The following KLK6 variants were observed in gnomAD, a reference collection of about 807,000 sequenced individuals.
The protein encoded by KLK6 is kallikrein-6.
KLK6 carries 16 observed loss-of-function variants against 21.7 expected under a neutral mutation model. The ratio of observed to expected loss-of-function variants is 0.74; its 90% CI spans 0.50 to 1.12. KLK6 has a LOEUF of 1.12. Ranked by LOEUF, KLK6 falls within the 50% of genes most tolerant of loss-of-function variation. The probability of loss-of-function intolerance (pLI) is 0.00; values close to 1 mark genes in which losing one functional copy is unlikely to be tolerated. For missense variants in KLK6, 276 were observed against 304.6 expected, an observed-to-expected ratio of 0.91 and a Z score of 0.70; for synonymous variants, 116 against 120.1, an observed-to-expected ratio of 0.97 and a Z score of 0.22.
At chr19:50,961,708 C>T in intron 6 of KLK6, 36 bp downstream of exon 6, 1 of 1,605,570 alleles carries the variant, frequency 6.2e-7, no homozygotes, top group East Asian at 2.2e-5. Context: ...TCGTCCTGTC[C>T]CTGGCTGTGT....
At chr19:50,962,220 G>A (rs1600091422) in intron 5 of KLK6, 1 of 244,074 alleles carries the variant, frequency 4.1e-6, no homozygotes, top group Non-Finnish European at 7.9e-6. Flanking sequence ...AGTTTCAGTT[G>A]ACCTGGAGGA....
chr19:50,967,551 A>ACAC (rs1555781646), intron 3 of KLK6, among the ~76,000 whole-genome samples: 12 of 143,354 alleles, frequency 8.4e-5, no homozygotes, highest in South Asian at 4.5e-4. Context: ...ACACACACAC[A>ACAC]AATTAGCAGG....
intron 6 of KLK6, among the ~76,000 whole-genome samples, chr19:50,959,980 AG>A (rs2090803408): frequency 1.1e-5 from 1 of 92,960 alleles, no homozygotes; most frequent in Non-Finnish European, 2.2e-5. Context: ...GAGGAAGAGG[AG>A]AACGAGGAGG....
rs759017760 is a variant in KLK6 at position 50,968,106 on chromosome 19, G to T, written c.-2C>A. The T allele has an allele frequency of 1.2e-5, 20 of 1,613,768 alleles. No individual in the cohort carries two copies. The South Asian group carries it at 2.1e-4, about 17-fold the overall frequency. On this transcript the variant is annotated 5_prime_UTR_variant, in exon 3 of 7. Coordinates refer to ENST00000310157, the MANE Select transcript of KLK6 (RefSeq NM_002774.4). ...CAGCACCACCATCAGCTTCTTCATG[G>T]CCGCTCCTGAGAGGGGAAGCCACAT...
intron 6 of KLK6, among the ~76,000 whole-genome samples, chr19:50,960,911 G>A (rs540162562): frequency 2.0e-5 from 3 of 152,150 alleles, no homozygotes; most frequent in Admixed American, 6.5e-5. Flanking sequence ...GACTACAGGC[G>A]CCTGCCACCA....
intron 6 of KLK6, 92 bp from the exon 7 acceptor site, chr19:50,959,408 T>A (rs925387598): frequency 8.7e-5 from 77 of 885,004 alleles, no homozygotes; most frequent in African/African-American, 5.3e-4. Context: ...TGTGTGTGTG[T>A]GACAGAGAGA....
intron 5 of KLK6, chr19:50,962,398 T>C (rs2090857981): frequency 6.5e-6 from 1 of 153,694 alleles, no homozygotes; most frequent in Non-Finnish European, 1.4e-5. Context: ...CTATTGGTTC[T>C]TCATCCAATG....
At chr19:50,966,950 GT>G (rs60756490) in intron 4 of KLK6, among the ~76,000 whole-genome samples, 27 of 151,384 alleles carry the variant, frequency 1.8e-4, no homozygotes, top group Admixed American at 2.0e-4. Context: ...AATTTTGCTT[GT>G]TTTTTTTTGT....
intron 3 of KLK6, 151 bp downstream of exon 3, chr19:50,967,914 C>A (rs1307203302): frequency 1.5e-6 from 1 of 673,070 alleles, no homozygotes; most frequent in East Asian, 2.7e-5. Flanking sequence ...TCTGTATTCC[C>A]CACCCTTAGC....
intron 3 of KLK6, among the ~76,000 whole-genome samples, chr19:50,967,755 AT>A (rs2090950303): frequency 6.6e-6 from 1 of 151,048 alleles, no homozygotes; most frequent in Non-Finnish European, 1.5e-5. Flanking sequence ...CCCCATTCCC[AT>A]TACAAACCCA....
chr19:50,963,172 C>T, intron 5 of KLK6, 130 bp downstream of exon 5: 1 of 1,318,262 alleles, frequency 7.6e-7, no homozygotes, highest in Non-Finnish European at 1.0e-6. Flanking sequence ...CCCATTGAAA[C>T]CCTGTCCCAT....
intron 6 of KLK6, among the ~76,000 whole-genome samples, chr19:50,960,028 AGGGGG>A (rs1568535915): frequency 1.1e-4 from 8 of 76,104 alleles, no homozygotes; most frequent in East Asian, 6.0e-4. Flanking sequence ...GAGGAGGAGG[AGGGGG>A]AAGACGAGGA....
intron 5 of KLK6, among the ~76,000 whole-genome samples, chr19:50,962,957 G>A (rs1313182398): frequency 6.6e-6 from 1 of 151,934 alleles, no homozygotes; most frequent in Non-Finnish European, 1.5e-5. Flanking sequence ...ATTCCTTCCT[G>A]CTGTTCAATG....
intron 1 of KLK6, among the ~76,000 whole-genome samples, 195 bp downstream of exon 1, chr19:50,969,294 CG>C (rs1568543169): frequency 6.6e-6 from 1 of 152,052 alleles, no homozygotes; most frequent in African/African-American, 2.4e-5. Flanking sequence ...CTTAGACCTC[CG>C]GGTTTTGGAG....
In KLK6 at chr19:50,968,109, G is replaced by A. The variant is rs373836542; in HGVS notation, c.-5C>T. ...CACCACCATCAGCTTCTTCATGGCCGCTCCTGAGAGGGGAAGCCACATGGT... is the reference window on the plus strand; with the variant it reads ...CACCACCATCAGCTTCTTCATGGCCACTCCTGAGAGGGGAAGCCACATGGT... On this transcript the variant is annotated 5_prime_UTR_variant, in exon 3 of 7. Transcript: ENST00000310157. 2.0e-5 allele frequency: 33 copies of A among 1,613,652 alleles called. No individual in the cohort carries two copies. Among genetic ancestry groups the A allele is most frequent in the African/African-American group, 1.9e-4 (14 of 74,826 alleles).
chr19:50,959,258 C>T lies in KLK6; in HGVS notation c.641G>A (p.Gly214Asp), dbSNP rs775023354. 4.3e-6 allele frequency: 7 copies of T among 1,613,910 alleles called. No individual in the cohort carries two copies. The Middle Eastern group carries it at 5.0e-4, about 114-fold the overall frequency. ...CTCCTTTGATCCACAGGGGATGTTA[C>T]CCCATGACACAAGGCCTCGGAGGTG... ...GDHLRGLVSW[G>D]NIPCGSKEKP... is the part of the protein sequence containing the mutation. Residue 214 changes from glycine (G) to aspartate (D), a missense_variant, in exon 7 of 7, where the codon GGT becomes GAT. Physicochemically the swap from Gly to Asp is moderately conservative, Grantham distance 94. Transcript: ENST00000310157.
intron 4 of KLK6, among the ~76,000 whole-genome samples, chr19:50,966,947 C>CT (rs2090935634): frequency 1.4e-5 from 2 of 143,840 alleles, no homozygotes; most frequent in Non-Finnish European, 2.9e-5. Context: ...AGCAATTTTG[C>CT]TTGTTTTTTT....
intron 2 of KLK6, 114 bp downstream of exon 2, chr19:50,968,427 T>G: frequency 4.8e-6 from 2 of 417,348 alleles, no homozygotes; most frequent in Non-Finnish European, 8.9e-6. Flanking sequence ...AGGGTTACCC[T>G]AGGGGGCCCT....
At position 50,963,631 on chromosome 19, in the gene KLK6, C is replaced by T. The variant is rs191131514; in HGVS notation, c.198-82G>A. On this transcript the variant is annotated intron_variant, in intron 4 of 6. Transcript: ENST00000310157. ...CAGAGAGGGCTGGGAAGTCATGAATCGCTGGCCTGCTCCTCCCACAGTCTT... is the reference window on the plus strand; with the variant it reads ...CAGAGAGGGCTGGGAAGTCATGAATTGCTGGCCTGCTCCTCCCACAGTCTT... 23 of 1,526,232 alleles carry T rather than the reference C, an allele frequency of 1.5e-5. No individual in the cohort carries two copies. In the Middle Eastern group the frequency reaches 5.5e-4, roughly 37 times the overall value. The allele number at this position is 1,526,232 out of a possible 1,614,324, so 94.5% of individuals were successfully genotyped here.
Sources: allele counts gnomAD v4.1 joint callset (sites outside exome capture counted in the v4.1 genomes callset), GRCh38; gene constraint gnomAD v4.1.1; transcripts MANE v1.5; gene names NCBI Gene and HGNC (gene_info 2026-07-23, HGNC 2026-07-21).